Variants in CAMTA1 observed in about 807,000 individuals in gnomAD.
CAMTA1 encodes calmodulin-binding transcription activator 1.
Under a neutral mutation model 170.9 loss-of-function variants are expected in CAMTA1, and 27 were observed. That is an observed-to-expected ratio of 0.16 (90% CI 0.12 to 0.22). The LOEUF is 0.22. CAMTA1 is among the 10% of genes least tolerant of loss of function. CAMTA1 has a pLI of 1.00. For synonymous variants in CAMTA1, 833 were observed against 891.5 expected, an observed-to-expected ratio of 0.93 and a Z score of 1.17; for missense variants, 1,619 against 2,217.2, an observed-to-expected ratio of 0.73 and a Z score of 5.42.
chr1:7,188,859 G>A (rs1261193164), intron 4 of CAMTA1, among the ~76,000 whole-genome samples: 1 of 152,196 alleles, frequency 6.6e-6, no homozygotes, highest in Non-Finnish European at 1.5e-5. Flanking sequence ...TGGCAACTCT[G>A]TGCTTAATTT....
At position 6,894,429 on chromosome 1, in the gene CAMTA1, G is replaced by A. The variant is rs370543455; in HGVS notation, c.234+69219G>A. On this transcript the variant is annotated intron_variant, in intron 3 of 22. Coordinates refer to ENST00000303635, the MANE Select transcript of CAMTA1 (RefSeq NM_015215.4). ...TTTGGAAAGAATAAAGGCTTTGTAG[G>A]TTCTTTGGAAGATACTATAATTAAA... Among the ~76,000 whole-genome samples, 21 of 152,304 alleles carry A rather than the reference G, an allele frequency of 1.4e-4. 1 individual carries two copies. The South Asian group carries it at 3.7e-3, about 27-fold the overall frequency.
intron 5 of CAMTA1, among the ~76,000 whole-genome samples, chr1:7,382,880 A>G (rs1243713667): frequency 6.8e-6 from 1 of 146,692 alleles, no homozygotes; most frequent in African/African-American, 2.5e-5. Flanking sequence ...AGATATTCCT[A>G]TAGCCTCAAA....
chr1:7,388,619 C>T (rs1359734136), intron 5 of CAMTA1: 1 of 152,532 alleles, frequency 6.6e-6, no homozygotes, highest in African/African-American at 2.4e-5. Context: ...GTTGGTGTTG[C>T]TCTCTTTGGC....
chr1:7,545,957 CTTTT>C (rs70987353), intron 6 of CAMTA1, among the ~76,000 whole-genome samples: 3 of 131,510 alleles, frequency 2.3e-5, no homozygotes, highest in Admixed American at 7.9e-5. Context: ...CTTTTCTTTT[CTTTT>C]TTTTTTTTTT....
chr1:7,369,637 T>C (rs913152905), intron 5 of CAMTA1, among the ~76,000 whole-genome samples: 1 of 152,076 alleles, frequency 6.6e-6, no homozygotes, highest in South Asian at 2.1e-4. Context: ...TGTGTGTCGG[T>C]GTCGCCAACC....
At chr1:7,068,003 T>C (rs1203428828) in intron 3 of CAMTA1, among the ~76,000 whole-genome samples, 1 of 152,202 alleles carries the variant, frequency 6.6e-6, no homozygotes, top group Non-Finnish European at 1.5e-5. Flanking sequence ...CTTGCAGCCA[T>C]GTGGGTCCAG....
At chr1:6,845,253 C>T (rs866613907) in intron 3 of CAMTA1, among the ~76,000 whole-genome samples, 10 of 152,290 alleles carry the variant, frequency 6.6e-5, no homozygotes, top group African/African-American at 1.7e-4. Context: ...GGCTTCTGTT[C>T]GCTGACAAGG....
At chr1:7,623,696 C>G (rs34600887) in intron 6 of CAMTA1, among the ~76,000 whole-genome samples, 18,383 of 152,278 alleles carry the variant, frequency 0.12, 1,198 homozygotes, top group Non-Finnish European at 0.13. Context: ...TGGGATTTCA[C>G]CATGTTGGCC....
Position 7,144,236 on chromosome 1 carries a change from AGT to A in CAMTA1, c.302+52880_302+52881del, listed in dbSNP as rs57358691. Among the ~76,000 whole-genome samples, 25 of 150,448 alleles carry A rather than the reference AGT, an allele frequency of 1.7e-4. No individual in the cohort carries two copies. Among genetic ancestry groups the A allele is most frequent in the South Asian group, 1.5e-3 (7 of 4,740 alleles). ...CTATGTCCTCAGATGGCCTTTTCTA[AGT>A]GTGTGTGTGTGTGTATGTGTGTGTT... On this transcript the variant is annotated intron_variant, in intron 4 of 22. Coordinates refer to ENST00000303635, the MANE Select transcript of CAMTA1 (RefSeq NM_015215.4). The surrounding 1 kb of genome is among the most constrained non-coding windows in gnomAD (Gnocchi z 4.0).
At chr1:6,980,406 C>T (rs760791244) in intron 3 of CAMTA1, among the ~76,000 whole-genome samples, 12 of 152,160 alleles carry the variant, frequency 7.9e-5, no homozygotes, top group Non-Finnish European at 1.6e-4. Flanking sequence ...TGAAGTAGCA[C>T]CGGGAGTCAC....
intron 5 of CAMTA1, among the ~76,000 whole-genome samples, chr1:7,394,325 C>A (rs2089053479): frequency 6.6e-6 from 1 of 152,178 alleles, no homozygotes. Context: ...ATGAGATTCC[C>A]CCTTTCTCCA....
At position 6,918,016 on chromosome 1, in the gene CAMTA1, G is replaced by A. The variant is rs11580637; in HGVS notation, c.234+92806G>A. On this transcript the variant is annotated intron_variant, in intron 3 of 22. Coordinates refer to ENST00000303635, the MANE Select transcript of CAMTA1 (RefSeq NM_015215.4). The surrounding 1 kb of genome is among the most constrained non-coding windows in gnomAD (Gnocchi z 4.0). ...GCTGTCTGGGACCTAGGCTGGGTGG[G>A]GCTGGGTTAGGCCTCACATCTAGAA... Among the ~76,000 whole-genome samples the A allele has an allele frequency of 0.011, 1,726 of 152,210 alleles. 9 individuals carry two copies. Among genetic ancestry groups the A allele is most frequent in the Middle Eastern group, 0.02 (6 of 294 alleles).
chr1:7,499,482 G>A (rs1373929947), intron 6 of CAMTA1, among the ~76,000 whole-genome samples: 5 of 142,094 alleles, frequency 3.5e-5, no homozygotes, highest in Non-Finnish European at 7.6e-5. Flanking sequence ...GTACATGAGT[G>A]TGTAGAGAGG....
intron 3 of CAMTA1, among the ~76,000 whole-genome samples, chr1:7,015,583 G>A (rs1042116840): frequency 6.6e-6 from 1 of 152,192 alleles, no homozygotes; most frequent in East Asian, 1.9e-4. Context: ...GCCGTTCCAT[G>A]ACTTTTAACC....
At chr1:7,745,711 T>C in intron 17 of CAMTA1, 134 bp from the exon 18 acceptor site, 2 of 1,030,908 alleles carry the variant, frequency 1.9e-6, no homozygotes, top group African/African-American at 1.6e-5. Context: ...GCAACTTGCC[T>C]AACTGAATGA....
chr1:7,758,242 A>G (rs1037912834), intron 22 of CAMTA1, among the ~76,000 whole-genome samples: 8 of 152,192 alleles, frequency 5.3e-5, no homozygotes, highest in Non-Finnish European at 1.2e-4. Flanking sequence ...CGTTTTTAAG[A>G]GCACATTTTC....
intron 5 of CAMTA1, among the ~76,000 whole-genome samples, chr1:7,320,003 A>G (rs1678133673): frequency 6.6e-6 from 1 of 152,176 alleles, no homozygotes; most frequent in South Asian, 2.1e-4. Context: ...GCTTATCTGC[A>G]GTACTCTGGG....
chr1:7,424,553 C>T (rs2091771391), intron 5 of CAMTA1, among the ~76,000 whole-genome samples: 1 of 152,046 alleles, frequency 6.6e-6, no homozygotes, highest in Non-Finnish European at 1.5e-5. Context: ...ACAGGGCAGC[C>T]ACGTCCTGGC....
chr1:7,605,163 C>A (rs1219446242), intron 6 of CAMTA1, among the ~76,000 whole-genome samples: 2 of 152,220 alleles, frequency 1.3e-5, no homozygotes, highest in Non-Finnish European at 2.9e-5. Context: ...TCTGTCCATT[C>A]TCCGATCTCC....
Sources: gnomAD v4.1 joint callset for allele counts (sites outside exome capture counted in the v4.1 genomes callset) on GRCh38, gnomAD v4.1.1 for gene constraint, Gnocchi (gnomAD v3.1) non-coding constraint, MANE v1.5 for transcripts, NCBI Gene and HGNC (gene_info 2026-07-23, HGNC 2026-07-21) for gene names.